Variants in TTC3 observed in about 807,000 individuals in gnomAD.
TTC3 encodes the protein tetratricopeptide repeat domain 3.
In TTC3, 180 loss-of-function variants were observed where a neutral mutation model predicts 249.6. That is an observed-to-expected ratio of 0.72 (90% CI 0.64 to 0.82). The LOEUF (loss-of-function observed/expected upper bound fraction) is 0.82, where lower values mean the gene tolerates loss of function less well. Among genes scored for constraint, TTC3 ranks in the 40% least tolerant of loss-of-function variants. The probability of loss-of-function intolerance (pLI) is 0.00; values close to 1 mark genes in which losing one functional copy is unlikely to be tolerated. For missense variants in TTC3, 2,061 were observed against 2,398.4 expected (o/e 0.86, Z 2.94); for synonymous variants, 717 against 805.0 (o/e 0.89, Z 1.85).
At chr21:37,195,577 C>T (rs1195740418) in intron 41 of TTC3, 98 bp from the exon 42 acceptor site, 18 of 1,482,864 alleles carry the variant, frequency 1.2e-5, no homozygotes, top group East Asian at 2.3e-5. Flanking sequence ...GGAGCCTCTG[C>T]GCTGCGTTAC....
rs2073224966 is a variant in TTC3, at chr21:37,091,241, AAATTTAGAATT to A, written c.481-48_481-38del. 5.1e-6 allele frequency: 8 copies of A among 1,571,436 alleles called. No homozygotes were observed. The Admixed American group carries it at 1.3e-4, about 25-fold the overall frequency. Reference sequence around the variant, plus strand: ...AAGATGAATTTATAATGCCACATGCAAATTTAGAATTAATAACCAAAGCCCCATTCTTCATT... The same window carrying A: ...AAGATGAATTTATAATGCCACATGCAAATAACCAAAGCCCCATTCTTCATT... On this transcript the variant is annotated intron_variant, in intron 6 of 45. Coordinates refer to ENST00000355666, the Ensembl canonical transcript of TTC3.
intron 1 of TTC3, chr21:37,083,761 CTTGG>C (rs2072028167): frequency 2.0e-5 from 3 of 152,194 alleles, no homozygotes; most frequent in Admixed American, 2.0e-4. Context: ...TGTGGGACAT[CTTGG>C]TTAAGATCCT....
chr21:37,150,688 G>A (rs1299500869), intron 24 of TTC3, 132 bp from the exon 25 acceptor site: 2 of 676,904 alleles, frequency 3.0e-6, no homozygotes, highest in Non-Finnish European at 5.2e-6. Flanking sequence ...TTTTGTCTGG[G>A]TCAGAACATC....
chr21:37,086,064 G>A (rs1442536505), intron 1 of TTC3: 1 of 152,176 alleles, frequency 6.6e-6, no homozygotes, highest in Non-Finnish European at 1.5e-5. Flanking sequence ...AAAACATTTG[G>A]TACAGTATGT....
chr21:37,151,319 T>C (rs1364829991), intron 25 of TTC3, among the ~76,000 whole-genome samples: 1 of 152,174 alleles, frequency 6.6e-6, no homozygotes, highest in Non-Finnish European at 1.5e-5. Flanking sequence ...TCTAAATTAT[T>C]ACTTCTCTAT....
intron 21 of TTC3, 101 bp downstream of exon 21, chr21:37,144,746 A>G: frequency 7.2e-7 from 1 of 1,395,188 alleles, no homozygotes; most frequent in Non-Finnish European, 9.6e-7. Context: ...TTCCATCCCC[A>G]CCTCCCTTAC....
At chr21:37,138,288 G>A (rs1569023735) in intron 18 of TTC3, among the ~76,000 whole-genome samples, 1 of 152,160 alleles carries the variant, frequency 6.6e-6, no homozygotes, top group Non-Finnish European at 1.5e-5. Flanking sequence ...CAGTATCTCT[G>A]AGGTATGCCT....
chr21:37,108,988 C>T (rs12482446), intron 11 of TTC3, among the ~76,000 whole-genome samples: 3,049 of 152,196 alleles, frequency 0.02, 45 homozygotes, highest in Non-Finnish European at 0.028. Flanking sequence ...AAATAAGAAA[C>T]CCCGTAGAAA....
chr21:37,195,827 G>A, exon 42 of TTC3: 1 of 1,614,244 alleles, frequency 6.2e-7, no homozygotes, highest in East Asian at 2.2e-5. Context: ...CTTCTGCGCT[G>A]TTGCCAGGGC....
intron 10 of TTC3, among the ~76,000 whole-genome samples, chr21:37,097,486 G>A (rs1026303412): frequency 6.6e-6 from 1 of 152,246 alleles, no homozygotes. Flanking sequence ...ATAGGCATAA[G>A]GTCCTGCATA....
At chr21:37,177,011 T>C (rs146425352) in intron 35 of TTC3, among the ~76,000 whole-genome samples, 1 of 152,338 alleles carries the variant, frequency 6.6e-6, no homozygotes, top group East Asian at 1.9e-4. Context: ...CTGTAATCGC[T>C]AAGCGTAGAA....
At chr21:37,085,120 C>T (rs920788066) in intron 1 of TTC3, among the ~76,000 whole-genome samples, 2 of 152,224 alleles carry the variant, frequency 1.3e-5, no homozygotes, top group Admixed American at 6.5e-5. Context: ...CAGTATCAGT[C>T]TGCCAGGTAT....
At chr21:37,173,863 AAAG>A (rs1555908308) in intron 35 of TTC3, among the ~76,000 whole-genome samples, 4 of 152,360 alleles carry the variant, frequency 2.6e-5, no homozygotes, top group South Asian at 4.1e-4. Context: ...TGGGAGAAGT[AAAG>A]AAGAACAAAA....
At chr21:37,115,898 A>G (rs1835168058) in intron 11 of TTC3, among the ~76,000 whole-genome samples, 2 of 152,206 alleles carry the variant, frequency 1.3e-5, no homozygotes, top group Admixed American at 6.5e-5. Flanking sequence ...TCAGTGAAAC[A>G]TTCCTTGGCC....
intron 18 of TTC3, among the ~76,000 whole-genome samples, chr21:37,138,173 G>A (rs2078128963): frequency 6.6e-6 from 1 of 152,150 alleles, no homozygotes; most frequent in Non-Finnish European, 1.5e-5. Flanking sequence ...ATAAACTACA[G>A]TATCGCTAAA....
chr21:37,147,399 G>C, intron 21 of TTC3, 82 bp from the exon 22 acceptor site: 1 of 1,300,050 alleles, frequency 7.7e-7, no homozygotes, highest in Non-Finnish European at 1.0e-6. Context: ...ATATTTTGAT[G>C]GCAAGAGGTT....
At chr21:37,136,075 A>G (rs776582318) in intron 18 of TTC3, among the ~76,000 whole-genome samples, 8 of 152,120 alleles carry the variant, frequency 5.3e-5, no homozygotes, top group African/African-American at 1.9e-4. Flanking sequence ...ATCTGTGCCT[A>G]TGTAAGAAAG....
At chr21:37,135,746 G>A (rs1027574415) in intron 18 of TTC3, among the ~76,000 whole-genome samples, 1 of 152,314 alleles carries the variant, frequency 6.6e-6, no homozygotes, top group Middle Eastern at 3.4e-3. Context: ...AGGGTCATTA[G>A]AACTGGCTTT....
intron 9 of TTC3, among the ~76,000 whole-genome samples, chr21:37,096,067 C>A (rs2073911494): frequency 6.6e-6 from 1 of 152,190 alleles, no homozygotes; most frequent in African/African-American, 2.4e-5. Context: ...GTTAGTGTAC[C>A]ACCTCTGAGA....
Sources: allele counts gnomAD v4.1 joint callset (sites outside exome capture counted in the v4.1 genomes callset), GRCh38; gene constraint gnomAD v4.1.1; transcripts MANE v1.5; gene names NCBI Gene and HGNC (gene_info 2026-07-23, HGNC 2026-07-21).